PKIB: variants seen among roughly 807,000 people sequenced by gnomAD.
The protein encoded by PKIB is PKI-beta.
A neutral mutation model predicts 4.5 loss-of-function variants in PKIB; 2 were observed. That is an observed-to-expected ratio of 0.44 (90% CI 0.18 to 1.39). PKIB has a LOEUF of 1.39. Ranked by LOEUF, PKIB falls within the 40% of genes most tolerant of loss-of-function variation. The pLI is 0.27. For synonymous variants in PKIB, 38 were observed against 36.0 expected, an observed-to-expected ratio of 1.06 and a Z score of -0.20; for missense variants, 94 against 92.6, an observed-to-expected ratio of 1.02 and a Z score of -0.06.
intron 2 of PKIB, chr6:122,581,871 C>A (rs999628908): frequency 6.6e-6 from 1 of 152,156 alleles, no homozygotes; most frequent in East Asian, 1.9e-4. Flanking sequence ...ATCTTTCTAT[C>A]CATTACAAAT....
chr6:122,499,592 C>G (rs1369400095), intron 2 of PKIB, among the ~76,000 whole-genome samples: 3 of 152,166 alleles, frequency 2.0e-5, no homozygotes, highest in African/African-American at 7.2e-5. Flanking sequence ...TGAGAAACCA[C>G]AGCCAACATC....
chr6:122,505,354 T>G (rs1314689485), intron 2 of PKIB, among the ~76,000 whole-genome samples: 1 of 152,230 alleles, frequency 6.6e-6, no homozygotes, highest in African/African-American at 2.4e-5. Context: ...CATATTTTTA[T>G]GGCCAGTTTA....
intron 2 of PKIB, among the ~76,000 whole-genome samples, chr6:122,655,981 A>G (rs944038228): frequency 2.0e-5 from 3 of 152,114 alleles, no homozygotes; most frequent in Non-Finnish European, 4.4e-5. Flanking sequence ...AACGGTAACC[A>G]TATTATATTT....
At chr6:122,619,982 TCTC>T (rs1775158596) in intron 1 of PKIB, among the ~76,000 whole-genome samples, 2 of 152,112 alleles carry the variant, frequency 1.3e-5, no homozygotes, top group African/African-American at 4.8e-5. Context: ...GTATCTTACT[TCTC>T]CTTAAGCCCT....
chr6:122,716,329 C>T (rs901611144), intron 3 of PKIB, among the ~76,000 whole-genome samples: 1 of 152,128 alleles, frequency 6.6e-6, no homozygotes, highest in Non-Finnish European at 1.5e-5. Flanking sequence ...TGAACAATAT[C>T]ACCTTCCAAG....
intron 2 of PKIB, among the ~76,000 whole-genome samples, chr6:122,537,316 C>A (rs917195234): frequency 6.6e-6 from 1 of 152,054 alleles, no homozygotes; most frequent in Non-Finnish European, 1.5e-5. Context: ...ATCCCTCCCC[C>A]TCCCTGCACC....
intron 2 of PKIB, among the ~76,000 whole-genome samples, chr6:122,503,970 A>G (rs567193249): frequency 1.3e-5 from 2 of 152,324 alleles, no homozygotes; most frequent in East Asian, 1.9e-4. Context: ...ATTGATTCCA[A>G]TGCACTTCAT....
chr6:122,525,688 C>T (rs1777074039), intron 2 of PKIB, among the ~76,000 whole-genome samples: 1 of 152,122 alleles, frequency 6.6e-6, no homozygotes, highest in African/African-American at 2.4e-5. Context: ...CTAAAAAATG[C>T]TGATGATTAT....
intron 2 of PKIB, among the ~76,000 whole-genome samples, chr6:122,559,427 C>A (rs571218778): frequency 1.4e-4 from 22 of 152,138 alleles, no homozygotes; most frequent in African/African-American, 5.3e-4. Flanking sequence ...CAGTATCATG[C>A]TGTTTTGGTG....
At chr6:122,626,089 G>C (rs1222761199) in intron 1 of PKIB, among the ~76,000 whole-genome samples, 1 of 152,018 alleles carries the variant, frequency 6.6e-6, no homozygotes, top group Non-Finnish European at 1.5e-5. Context: ...TAGATAGATA[G>C]ATAGATAGAG....
chr6:122,531,408 C>G (rs1246620251), intron 2 of PKIB: 1 of 152,120 alleles, frequency 6.6e-6, no homozygotes, highest in African/African-American at 2.4e-5. Context: ...ATTGTAGTTA[C>G]CTATAAATCT....
chr6:122,487,769 A>T (rs1775812096), intron 2 of PKIB, among the ~76,000 whole-genome samples: 1 of 152,190 alleles, frequency 6.6e-6, no homozygotes, highest in Non-Finnish European at 1.5e-5. Flanking sequence ...TCTGTTGTTT[A>T]TACGCTACCC....
intron 2 of PKIB, among the ~76,000 whole-genome samples, chr6:122,518,173 GTTC>G (rs776314361): frequency 9.9e-5 from 15 of 152,132 alleles, no homozygotes; most frequent in Admixed American, 2.0e-4. Flanking sequence ...GCTATGAAAT[GTTC>G]TTCTTTGAGC....
At chr6:122,576,153 G>A (rs1361468949) in intron 2 of PKIB, among the ~76,000 whole-genome samples, 2 of 152,202 alleles carry the variant, frequency 1.3e-5, no homozygotes, top group African/African-American at 4.8e-5. Context: ...TGATGGTGAT[G>A]ATGATTACAT....
In PKIB at chr6:122,538,594, G is replaced by C. The variant is rs891146023; in HGVS notation, c.-247-47327G>C. On this transcript the variant is annotated intron_variant, in intron 2 of 6. Transcript: ENST00000392491. The stretch of plus-strand genomic sequence containing the variant: ...TTGGTTACTGTAGCCTTGTAGTATA[G>C]TTTGAAGTCAGGTAGCATGATGCCT... 2.6e-5 allele frequency among the ~76,000 whole-genome samples: 4 copies of C among 152,054 alleles called. 1 individual carries two copies. Among genetic ancestry groups the C allele is most frequent in the African/African-American group, 9.7e-5 (4 of 41,328 alleles).
chr6:122,487,702 A>G (rs1307148599), intron 2 of PKIB, among the ~76,000 whole-genome samples: 1 of 152,148 alleles, frequency 6.6e-6, no homozygotes, highest in Non-Finnish European at 1.5e-5. Flanking sequence ...CAGACACCAA[A>G]TCTATTAACA....
chr6:122,598,499 TG>T, intron 3 of PKIB, among the ~76,000 whole-genome samples: 1 of 152,314 alleles, frequency 6.6e-6, no homozygotes, highest in Non-Finnish European at 1.5e-5. Context: ...GTTGAGTGAC[TG>T]CGGTTCCCAC....
At chr6:122,616,216 T>C (rs1478445092) in intron 1 of PKIB, among the ~76,000 whole-genome samples, 1 of 152,180 alleles carries the variant, frequency 6.6e-6, no homozygotes, top group African/African-American at 2.4e-5. Context: ...GAAAGGGCAT[T>C]GTCATAGCGA....
intron 2 of PKIB, among the ~76,000 whole-genome samples, chr6:122,501,338 C>T (rs190365524): frequency 6.6e-6 from 1 of 152,230 alleles, no homozygotes; most frequent in East Asian, 1.9e-4. Context: ...ATAAATTGGC[C>T]AAAACAAAGG....
Sources: gnomAD v4.1 joint callset for allele counts (sites outside exome capture counted in the v4.1 genomes callset) on GRCh38, gnomAD v4.1.1 for gene constraint, MANE v1.5 for transcripts, NCBI Gene and HGNC (gene_info 2026-07-23, HGNC 2026-07-21) for gene names.